The following DHX15 variants were observed in gnomAD, a reference collection of about 807,000 sequenced individuals.
DHX15 encodes the protein ATP-dependent RNA helicase DHX15.
A neutral mutation model predicts 94.4 loss-of-function variants in DHX15; 11 were observed. The ratio of observed to expected loss-of-function variants is 0.12; its 90% confidence interval spans 0.07 to 0.19. DHX15 has a LOEUF of 0.19. DHX15 is among the 10% of genes least tolerant of loss of function. The pLI is 1.00. For synonymous variants in DHX15, 338 were observed against 329.9 expected, an observed-to-expected ratio of 1.02 and a Z score of -0.27; for missense variants, 304 against 988.5, an observed-to-expected ratio of 0.31 and a Z score of 9.29.
At chr4:24,557,734 A>T (rs542475113) in intron 3 of DHX15, among the ~76,000 whole-genome samples, 2 of 152,278 alleles carry the variant, frequency 1.3e-5, no homozygotes. Context: ...CAATTAAATT[A>T]TGACTCAGTG....
intron 6 of DHX15, among the ~76,000 whole-genome samples, chr4:24,548,578 A>G (rs144758476): frequency 6.6e-6 from 1 of 152,240 alleles, no homozygotes; most frequent in Non-Finnish European, 1.5e-5. Context: ...CTTTATAACA[A>G]GTGATTTAAT....
At chr4:24,549,085 C>T in intron 5 of DHX15, 63 bp from the exon 6 acceptor site, 1 of 1,415,210 alleles carries the variant, frequency 7.1e-7, no homozygotes, top group Non-Finnish European at 9.6e-7. Flanking sequence ...TATTATAATC[C>T]TAGTTCTATG....
chr4:24,559,375 T>TAAAAAAAAAAAAA (rs535455690), intron 3 of DHX15, among the ~76,000 whole-genome samples: 2 of 93,364 alleles, frequency 2.1e-5, no homozygotes, highest in Admixed American at 1.1e-4. Flanking sequence ...TTTAAGCCAC[T>TAAAAAAAAAAAAA]AAAAAAAAAA....
intron 1 of DHX15, among the ~76,000 whole-genome samples, chr4:24,583,757 A>G (rs1415012442): frequency 1.3e-5 from 2 of 148,992 alleles, no homozygotes; most frequent in South Asian, 2.1e-4. Context: ...AGAACTCCCT[A>G]TTTGCTGGCT....
At chr4:24,546,678 G>A (rs757247060) in intron 6 of DHX15, among the ~76,000 whole-genome samples, 5 of 152,038 alleles carry the variant, frequency 3.3e-5, no homozygotes, top group Non-Finnish European at 7.4e-5. Flanking sequence ...TTAAAAGGCT[G>A]TTTTTTATTA....
In DHX15 at chr4:24,540,315, AATCT is replaced by A; in HGVS notation, c.1595-20_1595-17del. 6.2e-7 allele frequency: 1 copy of A among 1,604,928 alleles called. No individual in the cohort carries two copies. ...GTTTCAGGAGCTAGTGGTAAAAGAC[AATCT>A]ATTAGACACGGTGCCTTAAGCAAGC... is the stretch of plus-strand genomic sequence containing the variant. On this transcript the variant is annotated splice_polypyrimidine_tract_variant and intron_variant, in intron 9 of 13. Transcript: ENST00000336812.
chr4:24,534,766 A>C (rs1577332457), intron 11 of DHX15, among the ~76,000 whole-genome samples: 1 of 152,196 alleles, frequency 6.6e-6, no homozygotes. Flanking sequence ...TATGTAATCA[A>C]CTATTGTCTC....
intron 11 of DHX15, among the ~76,000 whole-genome samples, chr4:24,536,044 A>AT (rs553018533): frequency 2.6e-5 from 4 of 151,852 alleles, no homozygotes; most frequent in Non-Finnish European, 5.9e-5. Flanking sequence ...CAATTTCTGT[A>AT]TTTTTTTTCT....
chr4:24,566,174 G>A (rs1721987786), intron 3 of DHX15, among the ~76,000 whole-genome samples: 1 of 151,668 alleles, frequency 6.6e-6, no homozygotes, highest in Admixed American at 6.6e-5. Flanking sequence ...CAAGTAGCTG[G>A]GACTACAGGT....
intron 5 of DHX15, among the ~76,000 whole-genome samples, chr4:24,552,088 G>A (rs1001029007): frequency 3.9e-5 from 6 of 152,156 alleles, no homozygotes; most frequent in Non-Finnish European, 8.8e-5. Context: ...CCTGAGGTTT[G>A]CCAAACTTCC....
chr4:24,544,084 T>C (rs775699782), intron 6 of DHX15, among the ~76,000 whole-genome samples: 11 of 152,082 alleles, frequency 7.2e-5, no homozygotes, highest in Non-Finnish European at 1.2e-4. Flanking sequence ...TAAGACCTAC[T>C]CATGAGAGAA....
intron 11 of DHX15, among the ~76,000 whole-genome samples, chr4:24,536,715 A>G (rs533550760): frequency 7.2e-4 from 110 of 152,322 alleles, no homozygotes; most frequent in Non-Finnish European, 1.1e-3. Context: ...TTGTATAAAC[A>G]ATATAAAACT....
intron 3 of DHX15, among the ~76,000 whole-genome samples, chr4:24,556,870 C>G (rs1315758901): frequency 1.3e-5 from 2 of 152,178 alleles, no homozygotes; most frequent in Non-Finnish European, 2.9e-5. Flanking sequence ...CAATTCCTTA[C>G]TTAATAAGCT....
intron 1 of DHX15, among the ~76,000 whole-genome samples, chr4:24,579,257 G>A (rs1005820209): frequency 6.6e-6 from 1 of 152,144 alleles, no homozygotes; most frequent in Non-Finnish European, 1.5e-5. Context: ...GGATGCAGGA[G>A]GCAAATTCAG....
intron 10 of DHX15, among the ~76,000 whole-genome samples, chr4:24,539,457 A>G (rs188821007): frequency 2.9e-4 from 44 of 152,256 alleles, no homozygotes; most frequent in Admixed American, 2.4e-3. Context: ...ATTACATTTT[A>G]TTGTTACTAA....
intron 5 of DHX15, among the ~76,000 whole-genome samples, chr4:24,552,050 A>G (rs1451080321): frequency 1.3e-5 from 2 of 152,256 alleles, no homozygotes; most frequent in Admixed American, 6.5e-5. Flanking sequence ...AGTCCTAAAC[A>G]GCTTTAAAAC....
intron 3 of DHX15, among the ~76,000 whole-genome samples, chr4:24,562,384 T>C (rs1296721351): frequency 6.6e-6 from 1 of 152,138 alleles, no homozygotes; most frequent in Non-Finnish European, 1.5e-5. Context: ...GGAACAATGA[T>C]GAAGGAAATA....
chr4:24,547,947 ATCTATATCTATATC>A (rs1721485176), intron 6 of DHX15, among the ~76,000 whole-genome samples: 3 of 29,726 alleles, frequency 1.0e-4, no homozygotes, highest in African/African-American at 6.3e-4. Flanking sequence ...ATATATCTAT[ATCTATATCTATATC>A]TATCTGCTGA....
chr4:24,559,881 T>G (rs949370938), intron 3 of DHX15, among the ~76,000 whole-genome samples: 1 of 152,142 alleles, frequency 6.6e-6, no homozygotes, highest in Non-Finnish European at 1.5e-5. Context: ...TTGCTAAAGT[T>G]TAAGAAACAC....
Sources: gnomAD v4.1 joint callset for allele counts (sites outside exome capture counted in the v4.1 genomes callset) on GRCh38, gnomAD v4.1.1 for gene constraint, MANE v1.5 for transcripts, NCBI Gene and HGNC (gene_info 2026-07-23, HGNC 2026-07-21) for gene names.